Variants in PCDHA9 observed in about 807,000 individuals in gnomAD.
PCDHA9 encodes the protein protocadherin alpha-9.
A neutral mutation model predicts 62.0 loss-of-function variants in PCDHA9; 62 were observed. That is an observed-to-expected ratio of 1.00 (90% confidence interval 0.81 to 1.23). The LOEUF is 1.23. Among genes scored for constraint, PCDHA9 ranks in the 50% most tolerant of loss-of-function variants. The pLI is 0.00. For synonymous variants in PCDHA9, 557 were observed against 567.6 expected, an observed-to-expected ratio of 0.98 and a Z score of 0.27; for missense variants, 1,205 against 1,249.8, an observed-to-expected ratio of 0.96 and a Z score of 0.54.
At chr5:140,879,740 T>C (rs1337276853) in intron 1 of PCDHA9, among the ~76,000 whole-genome samples, 5 of 152,200 alleles carry the variant, frequency 3.3e-5, no homozygotes, top group Admixed American at 1.3e-4. Flanking sequence ...ATCAAGGTGT[T>C]GTCAAGGCTA....
chr5:140,927,440 C>G (rs782460713), intron 1 of PCDHA9: 2 of 1,614,168 alleles, frequency 1.2e-6, no homozygotes, highest in East Asian at 4.5e-5. Flanking sequence ...AGCGAATACC[C>G]GGAGTTGGTG....
At chr5:140,929,503 G>A in intron 1 of PCDHA9, 1 of 886,378 alleles carries the variant, frequency 1.1e-6, no homozygotes, top group Non-Finnish European at 1.6e-6. Context: ...ATTGCCCTAG[G>A]CCTCAAGGGA....
chr5:140,947,948 T>C (rs2094196051), intron 1 of PCDHA9, among the ~76,000 whole-genome samples: 1 of 151,586 alleles, frequency 6.6e-6, no homozygotes, highest in South Asian at 2.1e-4. Context: ...AAGTGTTCCA[T>C]ATTTTACAAT....
chr5:141,009,880 C>T lies in PCDHA9; in HGVS notation c.2796C>T (p.Asn932=). ...AAAAGAAGAAAAAGAAGAAGGGTAACAAGACCCAGGAGAAAAAAGAGAAAG... is the reference window on the plus strand; with the variant it reads ...AAAAGAAGAAAAAGAAGAAGGGTAATAAGACCCAGGAGAAAAAAGAGAAAG... The part of the protein sequence containing the change: ...TKKKKKKKKG[N]KTQEKKEKGN... Residue 932 remains asparagine, a synonymous_variant, in exon 4 of 4, where the codon AAC becomes AAT. Transcript: ENST00000532602. 1 of 1,613,788 alleles carries T rather than the reference C, an allele frequency of 6.2e-7. No individual in the cohort carries two copies. The highest frequency in any genetic ancestry group is 8.5e-7 in the Non-Finnish European group (1 of 1,179,974).
intron 1 of PCDHA9, chr5:140,875,493 A>T: frequency 6.2e-7 from 1 of 1,612,928 alleles, no homozygotes; most frequent in South Asian, 1.1e-5. Flanking sequence ...TCGGACCAAG[A>T]GGCCCGGGAT....
At chr5:140,940,645 A>G (rs1554213545) in intron 1 of PCDHA9, among the ~76,000 whole-genome samples, 1 of 152,156 alleles carries the variant, frequency 6.6e-6, no homozygotes, top group Non-Finnish European at 1.5e-5. Flanking sequence ...TCATTTATTT[A>G]TTTAAATATA....
intron 1 of PCDHA9, among the ~76,000 whole-genome samples, chr5:140,914,030 G>A (rs2076568173): frequency 1.3e-5 from 2 of 152,180 alleles, no homozygotes; most frequent in South Asian, 4.1e-4. Flanking sequence ...CACGTGCTGA[G>A]AAGAATGTGT....
intron 1 of PCDHA9, chr5:140,968,812 T>C (rs782711806): frequency 6.2e-7 from 1 of 1,614,064 alleles, no homozygotes; most frequent in Non-Finnish European, 8.5e-7. Context: ...CTGTGGTGGA[T>C]AGGGTTTCCA....
At chr5:140,965,352 T>C (rs1474672624) in intron 1 of PCDHA9, among the ~76,000 whole-genome samples, 1 of 152,166 alleles carries the variant, frequency 6.6e-6, no homozygotes, top group Admixed American at 6.5e-5. Context: ...GTTGCCTCTA[T>C]AGCAGTACAA....
chr5:140,942,439 A>G (rs1554214983), intron 1 of PCDHA9, among the ~76,000 whole-genome samples: 1 of 152,082 alleles, frequency 6.6e-6, no homozygotes, highest in Non-Finnish European at 1.5e-5. Flanking sequence ...AACAATAAAC[A>G]AGTAAACTAT....
chr5:140,925,069 C>T (rs1240618705), intron 1 of PCDHA9, among the ~76,000 whole-genome samples: 1 of 149,418 alleles, frequency 6.7e-6, no homozygotes, highest in Non-Finnish European at 1.5e-5. Context: ...AACAAAGCAA[C>T]ACGCTCATCT....
At chr5:140,867,108 C>A (rs782819699) in intron 1 of PCDHA9, 4 of 152,072 alleles carry the variant, frequency 2.6e-5, no homozygotes, top group Admixed American at 2.6e-4. Flanking sequence ...CCTAAATTAA[C>A]ATATTGTTTT....
At chr5:140,971,369 T>C (rs1384716266) in intron 1 of PCDHA9, among the ~76,000 whole-genome samples, 1 of 152,094 alleles carries the variant, frequency 6.6e-6, no homozygotes, top group Non-Finnish European at 1.5e-5. Context: ...GCCAGGAGAG[T>C]GCATGACTTT....
intron 3 of PCDHA9, among the ~76,000 whole-genome samples, chr5:140,998,540 T>TA (rs1304307081): frequency 6.6e-6 from 1 of 151,542 alleles, no homozygotes; most frequent in African/African-American, 2.4e-5. Context: ...CCCTAATTCC[T>TA]AATTTAATGT....
rs1489202467 is a variant in PCDHA9 at position 140,882,704 on chromosome 5, A to G, written c.2394+31815A>G. ...GAAACGAATAATCATTGCAGAATCTAGACCTCCGGAAACTCGATTTCCACT... is the reference window on the plus strand; with the variant it reads ...GAAACGAATAATCATTGCAGAATCTGGACCTCCGGAAACTCGATTTCCACT... On this transcript the variant is annotated intron_variant, in intron 1 of 3. Coordinates refer to ENST00000532602, the MANE Select transcript of PCDHA9 (RefSeq NM_031857.2). 6 of 1,614,110 alleles carry G rather than the reference A, an allele frequency of 3.7e-6. No individual in the cohort carries two copies. The African/African-American group carries it at 8.0e-5, about 22-fold the overall frequency.
chr5:140,939,240 AGGT>A (rs1314261929), intron 1 of PCDHA9, among the ~76,000 whole-genome samples: 2 of 152,170 alleles, frequency 1.3e-5, no homozygotes, highest in African/African-American at 4.8e-5. Context: ...GGAAGGAGCA[AGGT>A]AGCTCTCTGG....
intron 1 of PCDHA9, among the ~76,000 whole-genome samples, chr5:140,924,643 C>G (rs2081929149): frequency 1.3e-5 from 2 of 152,196 alleles, no homozygotes; most frequent in Admixed American, 1.3e-4. Flanking sequence ...ACCTGTAATC[C>G]CAGCACTTTG....
intron 1 of PCDHA9, among the ~76,000 whole-genome samples, chr5:140,897,136 A>G (rs1206983852): frequency 6.6e-6 from 1 of 152,096 alleles, no homozygotes; most frequent in Admixed American, 6.5e-5. Context: ...TAAACTTTCT[A>G]GCCTTTGTTA....
chr5:140,973,639 T>C (rs1563426866), intron 1 of PCDHA9, among the ~76,000 whole-genome samples: 2 of 152,362 alleles, frequency 1.3e-5, no homozygotes, highest in East Asian at 3.9e-4. Context: ...GTACACATTC[T>C]GACTGAAGAA....
Sources: allele counts gnomAD v4.1 joint callset (sites outside exome capture counted in the v4.1 genomes callset), GRCh38; gene constraint gnomAD v4.1.1; transcripts MANE v1.5; gene names NCBI Gene and HGNC (gene_info 2026-07-23, HGNC 2026-07-21).